The following NCALD variants were observed in gnomAD, a reference collection of about 807,000 sequenced individuals.
NCALD encodes the protein neurocalcin delta.
NCALD carries 10 observed loss-of-function variants against 18.6 expected under a neutral mutation model. That is an observed-to-expected ratio of 0.54 (90% CI 0.33 to 0.91). NCALD has a LOEUF of 0.91. Among genes scored for constraint, NCALD ranks in the 40% least tolerant of loss-of-function variants. The pLI, the probability that NCALD is intolerant of heterozygous loss-of-function variation, is 0.03. For synonymous variants in NCALD, 88 were observed against 87.4 expected (o/e 1.01, Z -0.04); for missense variants, 184 against 247.6 (o/e 0.74, Z 1.72).
chr8:101,729,291 TAA>T (rs1473749677), intron 1 of NCALD, among the ~76,000 whole-genome samples: 1 of 152,136 alleles, frequency 6.6e-6, no homozygotes, highest in East Asian at 1.9e-4. Context: ...AGGAAAAAAT[TAA>T]AAGAGGGAGA....
intron 1 of NCALD, among the ~76,000 whole-genome samples, chr8:101,742,397 G>A (rs1021570474): frequency 1.3e-5 from 2 of 152,170 alleles, no homozygotes; most frequent in African/African-American, 2.4e-5. Flanking sequence ...GTGCAACAAT[G>A]TATAAAATGA....
At chr8:102,018,408 A>C (rs988405680) in intron 2 of NCALD, among the ~76,000 whole-genome samples, 1 of 152,218 alleles carries the variant, frequency 6.6e-6, no homozygotes, top group Admixed American at 6.5e-5. Context: ...TCTTCTACTC[A>C]ACAATACAAA....
At chr8:101,809,548 T>C (rs1308934581) in intron 4 of NCALD, among the ~76,000 whole-genome samples, 1 of 152,178 alleles carries the variant, frequency 6.6e-6, no homozygotes, top group Admixed American at 6.5e-5. Flanking sequence ...TCTTTTTTAA[T>C]TTCTATTTAT....
intron 1 of NCALD, among the ~76,000 whole-genome samples, chr8:101,736,088 C>T (rs761815859): frequency 3.3e-5 from 5 of 152,302 alleles, no homozygotes; most frequent in Non-Finnish European, 5.9e-5. Context: ...AGGCAAGCCC[C>T]CGTTCCTATG....
At chr8:101,723,649 T>G (rs1816457633) in intron 1 of NCALD, among the ~76,000 whole-genome samples, 2 of 152,212 alleles carry the variant, frequency 1.3e-5, no homozygotes, top group African/African-American at 4.8e-5. Flanking sequence ...TATTTTAATA[T>G]TAGTTCAATA....
chr8:101,840,452 T>C (rs1814598446), intron 4 of NCALD, among the ~76,000 whole-genome samples: 1 of 152,196 alleles, frequency 6.6e-6, no homozygotes, highest in South Asian at 2.1e-4. Context: ...GCTACCTATG[T>C]GTTTTTTACT....
intron 4 of NCALD, among the ~76,000 whole-genome samples, chr8:101,864,698 G>A (rs377506145): frequency 3.3e-5 from 5 of 151,210 alleles, no homozygotes; most frequent in African/African-American, 9.7e-5. Flanking sequence ...GGGTTAAAGC[G>A]ATTCTTCTGT....
chr8:102,050,751 A>T (rs1823415263), intron 1 of NCALD, among the ~76,000 whole-genome samples: 1 of 146,642 alleles, frequency 6.8e-6, no homozygotes. Flanking sequence ...TATATAATTT[A>T]TATATAAATA....
intron 2 of NCALD, 81 bp downstream of exon 2, chr8:101,719,166 ACCTCT>A (rs1816230730): frequency 1.3e-6 from 2 of 1,488,570 alleles, no homozygotes; most frequent in South Asian, 2.7e-5. Context: ...CCAGTTTGCA[ACCTCT>A]GCACCGTGCT....
intron 1 of NCALD, among the ~76,000 whole-genome samples, chr8:102,044,045 C>G (rs1823151448): frequency 1.3e-5 from 2 of 151,850 alleles, no homozygotes; most frequent in African/African-American, 4.9e-5. Flanking sequence ...CTCTGAGCAC[C>G]AACACATGAA....
intron 1 of NCALD, among the ~76,000 whole-genome samples, chr8:102,068,034 G>A (rs771733861): frequency 2.0e-5 from 3 of 152,170 alleles, no homozygotes; most frequent in Non-Finnish European, 4.4e-5. Context: ...GTGTCTTCCA[G>A]TGTTTCACCC....
chr8:101,755,043 C>T (rs550097267), intron 1 of NCALD, among the ~76,000 whole-genome samples: 8 of 152,324 alleles, frequency 5.3e-5, no homozygotes, highest in South Asian at 2.1e-4. Context: ...TTATTTGGTA[C>T]TTGGTTAGAC....
At chr8:101,918,123 G>A (rs1818034082) in intron 2 of NCALD, among the ~76,000 whole-genome samples, 1 of 152,090 alleles carries the variant, frequency 6.6e-6, no homozygotes, top group Non-Finnish European at 1.5e-5. Flanking sequence ...ACATCAAAAA[G>A]TTAATTCACC....
intron 4 of NCALD, among the ~76,000 whole-genome samples, chr8:101,834,154 C>G (rs1814307207): frequency 6.6e-6 from 1 of 152,196 alleles, no homozygotes; most frequent in Non-Finnish European, 1.5e-5. Context: ...TCAGAGCTGG[C>G]TTGAGGGAGA....
chr8:101,858,170 C>T (rs931186154), intron 4 of NCALD, among the ~76,000 whole-genome samples: 4 of 152,058 alleles, frequency 2.6e-5, no homozygotes, highest in Admixed American at 6.5e-5. Flanking sequence ...AATTTACACA[C>T]ATAAAAGAGG....
chr8:102,090,178 G>A (rs1228829927), intron 1 of NCALD, among the ~76,000 whole-genome samples: 1 of 152,110 alleles, frequency 6.6e-6, no homozygotes, highest in Non-Finnish European at 1.5e-5. Context: ...TGTGTTATTG[G>A]TATGTGTTCC....
intron 1 of NCALD, among the ~76,000 whole-genome samples, chr8:101,766,166 A>AT (rs905341875): frequency 2.6e-5 from 4 of 152,090 alleles, no homozygotes; most frequent in African/African-American, 9.7e-5. Flanking sequence ...TGTCCTTTGA[A>AT]TTTTTTCAGA....
At chr8:101,943,963 AAAAC>A (rs1554668634) in intron 2 of NCALD, among the ~76,000 whole-genome samples, 1 of 120,764 alleles carries the variant, frequency 8.3e-6, no homozygotes, top group African/African-American at 3.0e-5. Context: ...CAAAAAACAA[AAAAC>A]AAACAAACAA....
chr8:101,882,429 C>G (rs952037620), intron 4 of NCALD, among the ~76,000 whole-genome samples: 1 of 152,146 alleles, frequency 6.6e-6, no homozygotes, highest in African/African-American at 2.4e-5. Context: ...GCACCATCTA[C>G]GAACCAGGAA....
Sources: allele counts gnomAD v4.1 joint callset (sites outside exome capture counted in the v4.1 genomes callset), GRCh38; gene constraint gnomAD v4.1.1; transcripts MANE v1.5; gene names NCBI Gene and HGNC (gene_info 2026-07-23, HGNC 2026-07-21).